Variants in CCDC171 observed in about 807,000 individuals in gnomAD.
CCDC171 encodes coiled-coil domain-containing protein 171.
In CCDC171, 177 loss-of-function variants were observed where a neutral mutation model predicts 168.2. That is an observed-to-expected ratio of 1.05 (90% CI 0.93 to 1.19). CCDC171 has a LOEUF of 1.19. Among genes scored for constraint, CCDC171 ranks in the 50% most tolerant of loss-of-function variants. The probability of loss-of-function intolerance (pLI) is 0.00; values close to 1 mark genes in which losing one functional copy is unlikely to be tolerated. For synonymous variants in CCDC171, 687 were observed against 540.8 expected, an observed-to-expected ratio of 1.27 and a Z score of -3.75; for missense variants, 1,991 against 1,539.0, an observed-to-expected ratio of 1.29 and a Z score of -4.91.
chr9:15,585,743 G>A (rs1372717281), intron 4 of CCDC171, among the ~76,000 whole-genome samples: 1 of 152,066 alleles, frequency 6.6e-6, no homozygotes, highest in Non-Finnish European at 1.5e-5. Context: ...TTTGGGAGGT[G>A]GAGGCGGGTG....
intron 6 of CCDC171, among the ~76,000 whole-genome samples, chr9:15,599,427 T>A (rs891295740): frequency 2.6e-5 from 4 of 152,180 alleles, no homozygotes; most frequent in Non-Finnish European, 5.9e-5. Context: ...TGGCTGGATA[T>A]GAAATTCTGG....
chr9:15,831,215 G>A lies in CCDC171; in HGVS notation c.3268-15487G>A, dbSNP rs566570950. 3.2e-3 allele frequency among the ~76,000 whole-genome samples: 485 copies of A among 151,700 alleles called. 5 individuals are homozygous for A. Among genetic ancestry groups the A allele is most frequent in the Non-Finnish European group, 6.2e-3 (424 of 67,886 alleles). ...TCTCGAACTCCTAACCTTGTGATCC[G>A]GCTGCCTCGGCCTCCCAAAGTGCTA... is the stretch of plus-strand genomic sequence containing the variant. On this transcript the variant is annotated intron_variant, in intron 21 of 25. Transcript: ENST00000380701.
At chr9:15,812,900 G>A (rs2059416345) in intron 21 of CCDC171, among the ~76,000 whole-genome samples, 2 of 152,202 alleles carry the variant, frequency 1.3e-5, no homozygotes, top group African/African-American at 4.8e-5. Context: ...CAGTTAATAG[G>A]TTGCTGTACT....
intron 4 of CCDC171, among the ~76,000 whole-genome samples, chr9:15,590,210 G>T (rs1383175882): frequency 2.0e-5 from 3 of 151,828 alleles, no homozygotes. Context: ...AATGGGAGGG[G>T]GACTTTTAAT....
chr9:15,594,004 T>C, intron 5 of CCDC171, 37 bp from the exon 6 acceptor site: 1 of 1,446,938 alleles, frequency 6.9e-7, no homozygotes, highest in Non-Finnish European at 9.5e-7. Flanking sequence ...TAACTTTTAT[T>C]GATCTAACAG....
At chr9:15,706,803 T>G (rs940064302) in intron 11 of CCDC171, among the ~76,000 whole-genome samples, 34 of 152,156 alleles carry the variant, frequency 2.2e-4, no homozygotes, top group African/African-American at 7.2e-4. Context: ...TTTGTAATAC[T>G]CTAGAGGTGT....
intron 3 of CCDC171, among the ~76,000 whole-genome samples, chr9:16,008,955 C>T (rs939283336): frequency 7.2e-5 from 11 of 152,142 alleles, no homozygotes; most frequent in African/African-American, 2.7e-4. Flanking sequence ...GGCCCTTGGC[C>T]AGTCCAGGCC....
intron 7 of CCDC171, among the ~76,000 whole-genome samples, chr9:15,626,366 G>T (rs1349112721): frequency 2.6e-5 from 4 of 152,188 alleles, no homozygotes; most frequent in Admixed American, 2.6e-4. Flanking sequence ...TAGGAGTGGT[G>T]AGAGAGGGCA....
At chr9:15,553,565 C>T (rs960986699) in intron 1 of CCDC171, 2 of 152,488 alleles carry the variant, frequency 1.3e-5, no homozygotes. Flanking sequence ...TTTGGAGCTT[C>T]TTAGGGTTAC....
intron 21 of CCDC171, among the ~76,000 whole-genome samples, chr9:15,822,937 A>C (rs190627493): frequency 2.0e-5 from 3 of 152,168 alleles, no homozygotes; most frequent in Admixed American, 1.3e-4. Context: ...AACCAACCCA[A>C]ATGTCCAACA....
intron 9 of CCDC171, among the ~76,000 whole-genome samples, chr9:15,671,541 A>T (rs1460584003): frequency 2.7e-5 from 3 of 109,476 alleles, no homozygotes; most frequent in Non-Finnish European, 5.1e-5. Context: ...CCAGTGTGTG[A>T]TGTTCCCTGC....
intron 3 of CCDC171, among the ~76,000 whole-genome samples, chr9:15,984,853 C>T (rs1328267): frequency 0.048 from 7,358 of 152,122 alleles, 377 homozygotes; most frequent in African/African-American, 0.12. Context: ...AGATATTGTG[C>T]TAAGTTTAAA....
At chr9:15,581,280 A>T (rs951701277) in intron 4 of CCDC171, among the ~76,000 whole-genome samples, 1 of 152,206 alleles carries the variant, frequency 6.6e-6, no homozygotes, top group Non-Finnish European at 1.5e-5. Flanking sequence ...GAAATAAGAG[A>T]GGACACAAAC....
chr9:15,767,302 T>C (rs1192884423), intron 18 of CCDC171, among the ~76,000 whole-genome samples: 1 of 152,206 alleles, frequency 6.6e-6, no homozygotes, highest in Non-Finnish European at 1.5e-5. Flanking sequence ...TTGCAGCTTT[T>C]AGAAGCCATC....
At chr9:15,917,996 A>G (rs192166818) in intron 24 of CCDC171, among the ~76,000 whole-genome samples, 34 of 151,884 alleles carry the variant, frequency 2.2e-4, no homozygotes, top group African/African-American at 6.7e-4. Context: ...ATGAAATTCA[A>G]TAGTTTACCA....
At chr9:15,691,370 A>G (rs1202437223) in intron 10 of CCDC171, among the ~76,000 whole-genome samples, 2 of 151,436 alleles carry the variant, frequency 1.3e-5, no homozygotes, top group Non-Finnish European at 1.5e-5. Context: ...AAAAAATTAT[A>G]GATAGATATT....
chr9:16,010,281 T>C (rs1379138619), intron 3 of CCDC171, among the ~76,000 whole-genome samples: 1 of 152,206 alleles, frequency 6.6e-6, no homozygotes, highest in African/African-American at 2.4e-5. Flanking sequence ...CCAAACTTTA[T>C]ATTATAATTC....
chr9:15,692,644 C>T (rs1316809032), intron 10 of CCDC171, among the ~76,000 whole-genome samples: 1 of 151,248 alleles, frequency 6.6e-6, no homozygotes, highest in Non-Finnish European at 1.5e-5. Context: ...TCTCCTGCCT[C>T]AGCCTCCCAA....
At chr9:15,786,586 C>A (rs1054817523) in intron 21 of CCDC171, among the ~76,000 whole-genome samples, 1 of 152,232 alleles carries the variant, frequency 6.6e-6, no homozygotes, top group Non-Finnish European at 1.5e-5. Flanking sequence ...ATAGTGGTAT[C>A]TGTCAGGCCT....
Sources: gnomAD v4.1 joint callset for allele counts (sites outside exome capture counted in the v4.1 genomes callset) on GRCh38, gnomAD v4.1.1 for gene constraint, MANE v1.5 for transcripts, NCBI Gene and HGNC (gene_info 2026-07-23, HGNC 2026-07-21) for gene names.